The following RASAL2 variants were observed in gnomAD, a reference collection of about 807,000 sequenced individuals.
RASAL2 encodes the protein RAS protein activator like 2, also known as ras GTPase-activating protein nGAP.
In RASAL2, 58 loss-of-function variants were observed where a neutral mutation model predicts 128.9. The ratio of observed to expected loss-of-function variants is 0.45; its 90% CI spans 0.36 to 0.56. The LOEUF is 0.56. RASAL2 is among the 20% of genes least tolerant of loss of function. The probability of loss-of-function intolerance (pLI) is 0.00; values close to 1 mark genes in which losing one functional copy is unlikely to be tolerated. For missense variants in RASAL2, 1,360 were observed against 1,601.6 expected, an observed-to-expected ratio of 0.85 and a Z score of 2.57; for synonymous variants, 561 against 580.8, an observed-to-expected ratio of 0.97 and a Z score of 0.49.
intron 1 of RASAL2, among the ~76,000 whole-genome samples, chr1:178,273,177 G>A (rs766668136): frequency 6.6e-6 from 1 of 152,126 alleles, no homozygotes; most frequent in Non-Finnish European, 1.5e-5. Flanking sequence ...CTAAGATAAT[G>A]GAAAAGGCTG....
chr1:178,381,540 T>C (rs1672287378), intron 3 of RASAL2, among the ~76,000 whole-genome samples: 1 of 152,204 alleles, frequency 6.6e-6, no homozygotes, highest in Admixed American at 6.5e-5. Flanking sequence ...TATTTAGTTC[T>C]TGGTAAATGA....
At chr1:178,245,683 G>T (rs1664737306) in intron 1 of RASAL2, among the ~76,000 whole-genome samples, 1 of 152,152 alleles carries the variant, frequency 6.6e-6, no homozygotes, top group Non-Finnish European at 1.5e-5. Context: ...TTTTCTTCTA[G>T]GGTTTTTACG....
intron 1 of RASAL2, among the ~76,000 whole-genome samples, chr1:178,259,853 TC>T (rs376527137): frequency 3.3e-5 from 5 of 152,062 alleles, no homozygotes; most frequent in African/African-American, 4.8e-5. Context: ...GATGGGTCAC[TC>T]CCCCCTGCAT....
chr1:178,098,772 A>G (rs1658785845), intron 1 of RASAL2, among the ~76,000 whole-genome samples: 5 of 152,220 alleles, frequency 3.3e-5, no homozygotes, highest in Admixed American at 3.3e-4. Flanking sequence ...AATAGCATCA[A>G]CATTATTACC....
chr1:178,433,871 T>C (rs1314216160), intron 5 of RASAL2, among the ~76,000 whole-genome samples: 1 of 148,832 alleles, frequency 6.7e-6, no homozygotes, highest in East Asian at 1.9e-4. Flanking sequence ...GAGCTGAGAT[T>C]GCACCACTGC....
chr1:178,129,198 C>A (rs1030865496), intron 1 of RASAL2, among the ~76,000 whole-genome samples: 1 of 152,128 alleles, frequency 6.6e-6, no homozygotes, highest in Non-Finnish European at 1.5e-5. Flanking sequence ...TTCTGCATTT[C>A]CACTAGTATT....
At chr1:178,303,187 A>G (rs1276445487) in intron 3 of RASAL2, among the ~76,000 whole-genome samples, 1 of 152,156 alleles carries the variant, frequency 6.6e-6, no homozygotes, top group Non-Finnish European at 1.5e-5. Context: ...TGGCTCAATA[A>G]CATATCTTTT....
chr1:178,339,696 T>C (rs1043372617), intron 3 of RASAL2, among the ~76,000 whole-genome samples: 4 of 152,202 alleles, frequency 2.6e-5, no homozygotes, highest in African/African-American at 9.6e-5. Context: ...TTATAATTAT[T>C]TGGTTTCACA....
chr1:178,441,585 A>T lies in RASAL2; in HGVS notation c.865A>T (p.Asn289Tyr). The T allele has an allele frequency of 6.2e-7, 1 of 1,612,750 alleles. No homozygotes were observed. The highest frequency in any genetic ancestry group is 1.3e-5 in the African/African-American group (1 of 74,968). The change falls in exon 7 of 18, where the codon AAT becomes TAT. Residue 289 changes from asparagine (N) to tyrosine (Y), a missense_variant. Coordinates refer to ENST00000367649, the MANE Select transcript of RASAL2 (RefSeq NM_170692.4). The stretch of plus-strand genomic sequence containing the variant: ...AAGTGGAAGTAAATGCTTCAGCTGT[A>T]ATTCTGCTTCTGAGAGAGACAAGTG... Reference protein sequence around the residue: ...YLSGSKCFSCNSASERDKWME... With the variant: ...YLSGSKCFSCYSASERDKWME...
intron 3 of RASAL2, among the ~76,000 whole-genome samples, chr1:178,349,273 A>G (rs1670332075): frequency 6.6e-6 from 1 of 150,540 alleles, no homozygotes; most frequent in African/African-American, 2.4e-5. Context: ...AAAAAAAAAA[A>G]AAAAAGCCAG....
intron 1 of RASAL2, among the ~76,000 whole-genome samples, chr1:178,098,752 T>G (rs1223430493): frequency 2.0e-5 from 3 of 152,172 alleles, no homozygotes; most frequent in African/African-American, 7.2e-5. Flanking sequence ...AATATTCTGT[T>G]AAGAAAATGA....
chr1:178,381,802 T>C (rs1056446570), intron 3 of RASAL2, among the ~76,000 whole-genome samples: 8 of 152,086 alleles, frequency 5.3e-5, no homozygotes, highest in Non-Finnish European at 1.2e-4. Context: ...AAAAGTTATA[T>C]ATGAAGCATA....
chr1:178,294,798 T>C (rs899658652), intron 2 of RASAL2, among the ~76,000 whole-genome samples: 2 of 152,138 alleles, frequency 1.3e-5, no homozygotes, highest in Admixed American at 1.3e-4. Flanking sequence ...CTCACTGAGC[T>C]GAGGAGGCAC....
chr1:178,200,356 A>G (rs943789313), intron 1 of RASAL2, among the ~76,000 whole-genome samples: 1 of 152,216 alleles, frequency 6.6e-6, no homozygotes, highest in Non-Finnish European at 1.5e-5. Flanking sequence ...TGCAAAATAA[A>G]TGCGTTTGAC....
chr1:178,094,787 C>T, intron 1 of RASAL2, 93 bp downstream of exon 1: 2 of 1,466,168 alleles, frequency 1.4e-6, no homozygotes, highest in Non-Finnish European at 1.9e-6. Flanking sequence ...TCCCAGTCCT[C>T]ATCCGTGCTA....
chr1:178,255,052 C>A (rs2102102654), intron 1 of RASAL2, among the ~76,000 whole-genome samples: 1 of 151,740 alleles, frequency 6.6e-6, no homozygotes, highest in African/African-American at 2.4e-5. Context: ...CAAAAAAACC[C>A]AAAAAAACTG....
intron 7 of RASAL2, 149 bp downstream of exon 7, chr1:178,441,796 A>G: frequency 1.7e-6 from 1 of 582,404 alleles, no homozygotes; most frequent in Non-Finnish European, 3.1e-6. Context: ...GTAAGCCCTT[A>G]TTATATCACC....
intron 3 of RASAL2, among the ~76,000 whole-genome samples, chr1:178,368,819 G>C (rs541595210): frequency 1.3e-5 from 2 of 151,760 alleles, no homozygotes; most frequent in Admixed American, 1.3e-4. Context: ...TGCATTTTTC[G>C]TAGAAGTGGG....
At chr1:178,337,167 T>A (rs1458959378) in intron 3 of RASAL2, among the ~76,000 whole-genome samples, 1 of 152,202 alleles carries the variant, frequency 6.6e-6, no homozygotes, top group Non-Finnish European at 1.5e-5. Flanking sequence ...TAAAAATATT[T>A]TGTGACTATC....
Sources: allele counts gnomAD v4.1 joint callset (sites outside exome capture counted in the v4.1 genomes callset), GRCh38; gene constraint gnomAD v4.1.1; transcripts MANE v1.5; gene names NCBI Gene and HGNC (gene_info 2026-07-23, HGNC 2026-07-21).